RANBP2: variants seen among roughly 807,000 people sequenced by gnomAD.
RANBP2 encodes the protein E3 SUMO-protein ligase RanBP2.
A neutral mutation model predicts 303.6 loss-of-function variants in RANBP2; 57 were observed. The ratio of observed to expected loss-of-function variants is 0.19; its 90% CI spans 0.15 to 0.23. The LOEUF is 0.23. Ranked by LOEUF, RANBP2 falls within the 10% of genes least tolerant of loss-of-function variation. The pLI is 1.00. For synonymous variants in RANBP2, 1,167 were observed against 1,301.5 expected, an observed-to-expected ratio of 0.90 and a Z score of 2.23; for missense variants, 3,138 against 3,780.8, an observed-to-expected ratio of 0.83 and a Z score of 4.46.
chr2:109,203,886 C>T, the RANBP2 span, among the ~76,000 whole-genome samples: 1 of 152,232 alleles, frequency 6.6e-6, no homozygotes, highest in African/African-American at 2.4e-5. Context: ...CCCTGTGCGG[C>T]CTGGCAGCCC....
chr2:109,544,883 G>A, the RANBP2 span: 9 of 888,544 alleles, frequency 1.0e-5, no homozygotes, highest in Middle Eastern at 5.8e-4. Flanking sequence ...CCCTTGGAGA[G>A]CTTGCATTGA....
At chr2:109,606,413 C>CA in the RANBP2 span, among the ~76,000 whole-genome samples, 2 of 151,626 alleles carry the variant, frequency 1.3e-5, no homozygotes, top group Non-Finnish European at 2.9e-5. Context: ...GACTCTGTCT[C>CA]AAAAAACAAA....
At chr2:109,667,309 T>C in the RANBP2 span, 16 of 625,078 alleles carry the variant, frequency 2.6e-5, no homozygotes, top group Middle Eastern at 5.3e-4. Context: ...CTGTGGCCAA[T>C]TGACTGCCAT....
the RANBP2 span, among the ~76,000 whole-genome samples, chr2:108,966,429 T>C: frequency 6.6e-6 from 1 of 152,132 alleles, no homozygotes; most frequent in Non-Finnish European, 1.5e-5. Flanking sequence ...TCCTCTGGAG[T>C]GACTCCTCAC....
chr2:109,083,078 G>A, the RANBP2 span, among the ~76,000 whole-genome samples: 6 of 151,840 alleles, frequency 4.0e-5, no homozygotes, highest in Admixed American at 2.0e-4. Context: ...CACCTGCCTC[G>A]GCCTCCCAAA....
In RANBP2 at chr2:108,753,942, A is replaced by G. The variant is rs17414315; in HGVS notation, c.2173A>G (p.Ser725Gly). ...CTACCTAATAAAGATTATAGATGAC[A>G]GTGATTCAAATCTTTCAGTGGTCAA... ...RDYLIKIIDD[S>G]DSNLSVVKKL... Residue 725 changes from serine to glycine, a missense_variant, in exon 15 of 29, where the codon AGT becomes GGT. Transcript: ENST00000283195. The G allele has an allele frequency of 1.6e-3, 2,578 of 1,611,980 alleles. 32 individuals are homozygous for G. In the African/African-American group the frequency reaches 0.029, roughly 18 times the overall value.
At chr2:109,624,037 G>T in the RANBP2 span, among the ~76,000 whole-genome samples, 1 of 152,200 alleles carries the variant, frequency 6.6e-6, no homozygotes, top group African/African-American at 2.4e-5. Context: ...GGAAGGAGCT[G>T]GGTCTGCGGT....
chr2:109,681,422 A>C, the RANBP2 span, among the ~76,000 whole-genome samples: 1 of 152,244 alleles, frequency 6.6e-6, no homozygotes, highest in Non-Finnish European at 1.5e-5. Context: ...GTAAAAGTTC[A>C]CATTAAAAAA....
chr2:109,190,576 A>C, the RANBP2 span, among the ~76,000 whole-genome samples: 5 of 152,352 alleles, frequency 3.3e-5, no homozygotes, highest in East Asian at 9.6e-4. Context: ...CAGATTGTTA[A>C]TGAAGATGGG....
the RANBP2 span, among the ~76,000 whole-genome samples, chr2:109,298,331 T>C: frequency 5.3e-5 from 8 of 152,060 alleles, no homozygotes; most frequent in African/African-American, 1.4e-4. Flanking sequence ...ATGTCTGTCA[T>C]CCTTGTCCCT....
the RANBP2 span, among the ~76,000 whole-genome samples, chr2:109,647,998 G>A: frequency 3.3e-5 from 5 of 152,194 alleles, no homozygotes; most frequent in Non-Finnish European, 7.3e-5. Flanking sequence ...GTATGTTGGA[G>A]GAGGCAGAAA....
the RANBP2 span, chr2:109,612,985 C>A: frequency 2.2e-6 from 1 of 448,852 alleles, no homozygotes; most frequent in Non-Finnish European, 4.5e-6. Flanking sequence ...GGTCTCCAGC[C>A]TCCAAAGAGC....
At chr2:109,304,813 C>T in the RANBP2 span, among the ~76,000 whole-genome samples, 2 of 152,102 alleles carry the variant, frequency 1.3e-5, no homozygotes, top group Admixed American at 1.3e-4. Flanking sequence ...CTGTGAATTG[C>T]TAGATTAGAC....
chr2:109,590,192 CT>C, the RANBP2 span, among the ~76,000 whole-genome samples: 1 of 151,702 alleles, frequency 6.6e-6, no homozygotes, highest in Non-Finnish European at 1.5e-5. Flanking sequence ...CAGCAGTAGA[CT>C]TACAGGTTGG....
the RANBP2 span, among the ~76,000 whole-genome samples, chr2:108,847,411 A>G: frequency 1.3e-5 from 2 of 152,208 alleles, no homozygotes; most frequent in African/African-American, 2.4e-5. Flanking sequence ...CCCAAAGCCT[A>G]TAATACTGTC....
At chr2:109,383,197 G>A in the RANBP2 span, among the ~76,000 whole-genome samples, 5 of 152,236 alleles carry the variant, frequency 3.3e-5, no homozygotes, top group Non-Finnish European at 7.3e-5. Flanking sequence ...GGCACTGGGT[G>A]CCTGTAGGAT....
At chr2:109,504,988 A>G in the RANBP2 span, among the ~76,000 whole-genome samples, 3 of 151,832 alleles carry the variant, frequency 2.0e-5, no homozygotes, top group African/African-American at 7.3e-5. Context: ...GCTGTAGATG[A>G]CTCGCCTCCT....
At chr2:109,705,970 T>G in the RANBP2 span, among the ~76,000 whole-genome samples, 1 of 152,312 alleles carries the variant, frequency 6.6e-6, no homozygotes, top group East Asian at 1.9e-4. Context: ...TATCCCTAGT[T>G]GCTCCAGAGA....
At chr2:109,375,879 G>A in the RANBP2 span, among the ~76,000 whole-genome samples, 1 of 152,250 alleles carries the variant, frequency 6.6e-6, no homozygotes, top group African/African-American at 2.4e-5. Flanking sequence ...AGTTCAGGGC[G>A]ATGCGGGCTT....
Sources: gnomAD v4.1 joint callset for allele counts (sites outside exome capture counted in the v4.1 genomes callset) on GRCh38, gnomAD v4.1.1 for gene constraint, MANE v1.5 for transcripts, NCBI Gene and HGNC (gene_info 2026-07-23, HGNC 2026-07-21) for gene names.